MEGF8: variants seen among roughly 807,000 people sequenced by gnomAD.
MEGF8 encodes the protein multiple EGF like domains 8.
A neutral mutation model predicts 302.9 loss-of-function variants in MEGF8; 156 were observed. The observed-to-expected ratio is 0.52, with a 90% confidence interval of 0.45 to 0.59. The LOEUF (loss-of-function observed/expected upper bound fraction) is 0.59. MEGF8 is among the 20% of genes least tolerant of loss of function. The probability of loss-of-function intolerance (pLI) is 0.00; values close to 1 mark genes in which losing one functional copy is unlikely to be tolerated. For missense variants in MEGF8, 3,345 were observed against 3,964.5 expected (o/e 0.84, Z 4.20); for synonymous variants, 1,621 against 1,660.5 (o/e 0.98, Z 0.58).
chr19:42,336,434 T>C lies in MEGF8; in HGVS notation c.1244+88T>C. The C allele has an allele frequency of 7.5e-7, 1 of 1,334,492 alleles. No homozygotes were observed. Among genetic ancestry groups the C allele is most frequent in the Non-Finnish European group, 1.0e-6 (1 of 1,000,840 alleles). The allele number at this position is 1,334,492 out of a possible 1,614,324, so 82.7% of individuals were successfully genotyped here. A position where few individuals can be genotyped will look rare whatever the true frequency, so the allele number is the denominator to read the frequency against. ...TTAGTCTTTAGAGGTCTTTGCCCAC[T>C]GTCGGACTCCTGTGGTCTCTCAGTC... On this transcript the variant is annotated intron_variant, in intron 6 of 41. Transcript: ENST00000251268. The surrounding 1 kb of genome is among the most constrained non-coding windows in gnomAD (Gnocchi z 4.8).
At chr19:42,363,391 A>G (rs936215181) in intron 35 of MEGF8, 129 bp downstream of exon 35, 1 of 811,012 alleles carries the variant, frequency 1.2e-6, no homozygotes, top group Non-Finnish European at 2.0e-6. Context: ...CTCTAGCTGC[A>G]GTCGTGCTTC....
At chr19:42,327,443 A>AG (rs2038999273) in intron 1 of MEGF8, among the ~76,000 whole-genome samples, 1 of 152,184 alleles carries the variant, frequency 6.6e-6, no homozygotes, top group Admixed American at 6.6e-5. Flanking sequence ...GGGAGAACAG[A>AG]GAGGCTTCCT....
At chr19:42,333,529 C>G (rs890535989) in intron 1 of MEGF8, 76 bp from the exon 2 acceptor site, 26 of 1,464,520 alleles carry the variant, frequency 1.8e-5, no homozygotes, top group South Asian at 3.8e-5. Context: ...GTTTGGTGTA[C>G]AATTGTGGGA....
At position 42,375,434 on chromosome 19, in the gene MEGF8, G is replaced by A. The variant is rs1021042881; in HGVS notation, c.7270-73G>A. ...ACTTAGCAGTGGGTATAGAGTATTC[G>A]TCACTGCTGCTTGGGGGACAGGCTG... On this transcript the variant is annotated intron_variant, in intron 41 of 41. Transcript: ENST00000251268. This position sits in a 1 kb window ranked among gnomAD's most constrained non-coding sequence, Gnocchi z 7.1. 14 of 1,419,994 alleles carry A rather than the reference G, an allele frequency of 9.9e-6. No individual in the cohort carries two copies. The African/African-American group carries it at 1.4e-4, about 15-fold the overall frequency. 88.0% of individuals were successfully genotyped at this position (1,419,994 alleles called of 1,614,324 possible). A position where few individuals can be genotyped will look rare whatever the true frequency, so the allele number is the denominator to read the frequency against.
At chr19:42,337,510 T>G (rs529434481) in intron 8 of MEGF8, among the ~76,000 whole-genome samples, 1 of 148,652 alleles carries the variant, frequency 6.7e-6, no homozygotes, top group African/African-American at 2.5e-5. Context: ...TCTTTTCTTT[T>G]TTTTTTTTTT....
Position 42,358,117 on chromosome 19 carries a change from C to T in MEGF8, c.5012-27C>T, listed in dbSNP as rs1419649130. On this transcript the variant is annotated intron_variant, in intron 28 of 41. Transcript: ENST00000251268. The surrounding 1 kb of genome is among the most constrained non-coding windows in gnomAD (Gnocchi z 4.4). ...GTCAGTGCTGTTGTCAGCCCCTCCCCCAGCCTGTCACCCTGCCCCTCACCA... is the reference window on the plus strand; with the variant it reads ...GTCAGTGCTGTTGTCAGCCCCTCCCTCAGCCTGTCACCCTGCCCCTCACCA... 2 of 1,518,504 alleles carry T rather than the reference C, an allele frequency of 1.3e-6. No homozygotes were observed. Among genetic ancestry groups the T allele is most frequent in the Middle Eastern group, 1.7e-4 (1 of 5,812 alleles). The allele number at this position is 1,518,504 out of a possible 1,614,324, so 94.1% of individuals were successfully genotyped here.
In MEGF8 at chr19:42,370,319, C is replaced by T. The variant is rs1399867711; in HGVS notation, c.6965C>T (p.Ser2322Phe). 9 of 1,606,066 alleles carry T rather than the reference C, an allele frequency of 5.6e-6. No individual in the cohort carries two copies. In the Middle Eastern group the frequency reaches 5.0e-4, roughly 89 times the overall value. Residue 2322 changes from serine (S) to phenylalanine (F), a missense_variant, in exon 39 of 42, where the codon TCC becomes TTC. Physicochemically the swap from Ser to Phe is radical, Grantham distance 155 (BLOSUM62 -2). Coordinates refer to ENST00000251268, the MANE Select transcript of MEGF8 (RefSeq NM_001271938.2). ...ATCTCCAGGAAGGAGTTACAAATGTCCAAGGGAGAGCCAAAGAAGTACTCA... is the reference window on the plus strand; with the variant it reads ...ATCTCCAGGAAGGAGTTACAAATGTTCAAGGGAGAGCCAAAGAAGTACTCA... ...ICISRKELQMSKGEPKKYSLD... is the reference protein window; with the variant it reads ...ICISRKELQMFKGEPKKYSLD...
In MEGF8 at chr19:42,353,835, A is replaced by G; in HGVS notation, c.3822A>G (p.Ser1274=). 2 of 1,612,060 alleles carry G rather than the reference A, an allele frequency of 1.2e-6. No homozygotes were observed. The highest frequency in any genetic ancestry group is 1.1e-5 in the South Asian group (1 of 90,680). The change falls in exon 22 of 42, where the codon TCA becomes TCG. Residue 1274 remains serine (S), a synonymous_variant. Coordinates refer to ENST00000251268, the MANE Select transcript of MEGF8 (RefSeq NM_001271938.2). This position sits in a 1 kb window ranked among gnomAD's most constrained non-coding sequence, Gnocchi z 6.1. The part of the protein sequence containing the change: ...GGRALLTNVS[S]VALGSRRVGG... The stretch of plus-strand genomic sequence containing the variant: ...GCGCCCTCCTCACCAACGTGTCCTC[A>G]GTGGCACTGGGCTCACGCCGGGTCG...
rs530864821 is a variant in MEGF8, at chr19:42,370,255, C to T, written c.6901C>T (p.Pro2301Ser). 5.0e-6 allele frequency: 8 copies of T among 1,613,900 alleles called. No individual in the cohort carries two copies. The East Asian group carries it at 1.8e-4, about 36-fold the overall frequency. ...AGCTGTCGGAGGCGGGACCTGCCGGCCCTGCCACGCCTTTTGTCGTGGAAA... is the reference window on the plus strand; with the variant it reads ...AGCTGTCGGAGGCGGGACCTGCCGGTCCTGCCACGCCTTTTGTCGTGGAAA... Reference protein sequence around the residue: ...GSAVGGGTCRPCHAFCRGNSH... With the variant: ...GSAVGGGTCRSCHAFCRGNSH... Residue 2301 changes from proline to serine, a missense_variant, in exon 39 of 42, where the codon CCC becomes TCC. Physicochemically the swap from Pro to Ser is moderately conservative, Grantham distance 74. Transcript: ENST00000251268.
At position 42,334,221 on chromosome 19, in the gene MEGF8, G is replaced by A. The variant is rs777375710; in HGVS notation, c.558+8G>A. 31 of 1,581,576 alleles carry A rather than the reference G, an allele frequency of 2.0e-5. No homozygotes were observed. In the East Asian group the frequency reaches 5.4e-4, roughly 28 times the overall value. On this transcript the variant is annotated splice_region_variant and intron_variant, in intron 3 of 41. Transcript: ENST00000251268. ...CACGGCACCTGCGCCTCGGTGAGCCGGTCCCCAGCCCTGTTTCCCCTGGGG... is the reference window on the plus strand; with the variant it reads ...CACGGCACCTGCGCCTCGGTGAGCCAGTCCCCAGCCCTGTTTCCCCTGGGG...
chr19:42,361,019 A>T lies in MEGF8; in HGVS notation c.5720+13A>T. 3.3e-6 allele frequency: 5 copies of T among 1,533,864 alleles called. No individual in the cohort carries two copies. Among genetic ancestry groups the T allele is most frequent in the Non-Finnish European group, 4.4e-6 (5 of 1,140,512 alleles). ...ATCAGGCCCACAGGTAACCATGGCGACCATGACAGGCAGTGGGGAGTGGAG... is the reference window on the plus strand; with the variant it reads ...ATCAGGCCCACAGGTAACCATGGCGTCCATGACAGGCAGTGGGGAGTGGAG... On this transcript the variant is annotated intron_variant, in intron 32 of 41. Coordinates refer to ENST00000251268, the MANE Select transcript of MEGF8 (RefSeq NM_001271938.2).
chr19:42,356,981 G>T lies in MEGF8; in HGVS notation c.4830G>T (p.Lys1610Asn). ...CCACCCTGCAATGGCGGCAGGAGAA[G>T]GTGAGCATCTCTCCCCAGCCCACTC... ...NLTTLQWRQE[K>N]APQTVELPAV... Residue 1610 changes from lysine (K) to asparagine (N), a missense_variant and splice_region_variant, in exon 27 of 42, where the codon AAG (lysine) becomes AAT (asparagine). By Grantham distance (94) the Lys-to-Asn change is moderately conservative. Transcript: ENST00000251268. This position sits in a 1 kb window ranked among gnomAD's most constrained non-coding sequence, Gnocchi z 5.2. The T allele has an allele frequency of 6.3e-7, 1 of 1,591,212 alleles. No homozygotes were observed.
chr19:42,376,582 C>G lies in MEGF8; in HGVS notation c.8345C>G (p.Thr2782Arg). The change falls in exon 42 of 42, where the codon ACA becomes AGA. Residue 2782 changes from threonine (T) to arginine (R), a missense_variant. Transcript: ENST00000251268. This position sits in a 1 kb window ranked among gnomAD's most constrained non-coding sequence, Gnocchi z 8.2. ...GAAGATGGCATGGCTGGCGTGGCCA[C>G]ACTGCTGCTCCAGCTGCCTGGCGGG... Reference protein sequence around the residue: ...PTEDGMAGVATLLLQLPGGPH... With the variant: ...PTEDGMAGVARLLLQLPGGPH... 2 of 1,551,216 alleles carry G rather than the reference C, an allele frequency of 1.3e-6. No individual in the cohort carries two copies. The highest frequency in any genetic ancestry group is 1.7e-6 in the Non-Finnish European group (2 of 1,150,382).
At position 42,343,553 on chromosome 19, in the gene MEGF8, G is replaced by A. The variant is rs1568560698; in HGVS notation, c.1590G>A (p.Gly530=). The A allele has an allele frequency of 1.9e-6, 3 of 1,613,594 alleles. No individual in the cohort carries two copies. The highest frequency in any genetic ancestry group is 2.5e-6 in the Non-Finnish European group (3 of 1,179,760). ...VLGGSVLLVA[G]GYSGRPRGDL... ...GTGGCAGCGTCCTGTTGGTGGCTGG[G>A]GGGTACAGCGGCCGGCCCCGTGGGG... The change falls in exon 9 of 42, where the codon GGG becomes GGA. Residue 530 remains glycine (G), a synonymous_variant. Coordinates refer to ENST00000251268, the MANE Select transcript of MEGF8 (RefSeq NM_001271938.2).
At position 42,351,046 on chromosome 19, in the gene MEGF8, C is replaced by T. The variant is rs1359001653; in HGVS notation, c.2737-170C>T. On this transcript the variant is annotated intron_variant, in intron 15 of 41. Coordinates refer to ENST00000251268, the MANE Select transcript of MEGF8 (RefSeq NM_001271938.2). The surrounding 1 kb of genome is among the most constrained non-coding windows in gnomAD (Gnocchi z 5.6). ...AGACAGTGGGTGCTGGGCGGGCCGACCCATGGGTGTCTGTGGTCGAAGGGA... is the reference window on the plus strand; with the variant it reads ...AGACAGTGGGTGCTGGGCGGGCCGATCCATGGGTGTCTGTGGTCGAAGGGA... The T allele has an allele frequency of 4.6e-6, 3 of 645,244 alleles. No individual in the cohort carries two copies. The highest frequency in any genetic ancestry group is 8.2e-6 in the Non-Finnish European group (3 of 366,986). The allele number at this position is 645,244 out of a possible 1,614,324, so 40.0% of individuals were successfully genotyped here. A position where few individuals can be genotyped will look rare whatever the true frequency, so the allele number is the denominator to read the frequency against.
At position 42,369,571 on chromosome 19, in the gene MEGF8, G is replaced by A. The variant is rs757071241; in HGVS notation, c.6682G>A (p.Val2228Met). 15 of 1,611,472 alleles carry A rather than the reference G, an allele frequency of 9.3e-6. No individual in the cohort carries two copies. Among genetic ancestry groups the A allele is most frequent in the East Asian group, 2.2e-5 (1 of 44,894 alleles). The change falls in exon 38 of 42, where the codon GTG (valine) becomes ATG (methionine). Residue 2228 changes from valine to methionine, a missense_variant. By Grantham distance (21) the Val-to-Met change is conservative. Transcript: ENST00000251268. This position sits in a 1 kb window ranked among gnomAD's most constrained non-coding sequence, Gnocchi z 5.7. The part of the protein sequence containing the change: ...LCRPVCAQGC[V>M]NGSCVEPDHC... ...CCGCCCTGTGTGCGCCCAGGGCTGC[G>A]TGAACGGCTCATGTGTGGAGCCCGA...
intron 1 of MEGF8, 113 bp from the exon 2 acceptor site, chr19:42,333,492 T>C: frequency 8.2e-7 from 1 of 1,223,014 alleles, no homozygotes; most frequent in Non-Finnish European, 1.1e-6. Context: ...GACTCATTCT[T>C]GAGCCCCCAG....
chr19:42,375,850 C>G lies in MEGF8; in HGVS notation c.7613C>G (p.Pro2538Arg). The G allele has an allele frequency of 6.2e-7, 1 of 1,609,496 alleles. No individual in the cohort carries two copies. The highest frequency in any genetic ancestry group is 1.1e-5 in the South Asian group (1 of 90,672). ...CCAGCCCCACCACCTCCACCACCCC[C>G]TGCAGATGGTGGGCCCCGGGGGGCT... ...PPPAPPPPPP[P>R]ADGGPRGAGD... The change falls in exon 42 of 42, where the codon CCT becomes CGT. Residue 2538 changes from proline (P) to arginine (R), a missense_variant. By Grantham distance (103) the Pro-to-Arg change is moderately radical. Transcript: ENST00000251268. The surrounding 1 kb of genome is among the most constrained non-coding windows in gnomAD (Gnocchi z 7.1).
Position 42,334,078 on chromosome 19 carries a change from G to A in MEGF8, c.423G>A (p.Leu141=). 1 of 1,613,640 alleles carries A rather than the reference G, an allele frequency of 6.2e-7. No homozygotes were observed. The highest frequency in any genetic ancestry group is 8.5e-7 in the Non-Finnish European group (1 of 1,179,832). Residue 141 remains leucine, a synonymous_variant, in exon 3 of 42, where the codon CTG becomes CTA. Transcript: ENST00000251268. ...LGFNASFRFS[L]CPGGCQSHGQ... ...TTAACGCCTCATTCCGCTTCTCCCT[G>A]TGCCCGGGTGGCTGCCAGAGCCACG...
Sources: gnomAD v4.1 joint callset for allele counts (sites outside exome capture counted in the v4.1 genomes callset) on GRCh38, gnomAD v4.1.1 for gene constraint, Gnocchi (gnomAD v3.1) non-coding constraint, MANE v1.5 for transcripts, NCBI Gene and HGNC (gene_info 2026-07-23, HGNC 2026-07-21) for gene names.